Variants in LUZP1 observed in about 807,000 individuals in gnomAD.
The protein encoded by LUZP1 is leucine zipper protein 1, also known as filamin mechanobinding actin cross-linking protein.
Under a neutral mutation model 71.3 loss-of-function variants are expected in LUZP1, and 25 were observed. That is an observed-to-expected ratio of 0.35 (90% CI 0.26 to 0.49). The LOEUF (loss-of-function observed/expected upper bound fraction) is 0.49. Ranked by LOEUF, LUZP1 falls within the 20% of genes least tolerant of loss-of-function variation. The pLI is 0.99. For synonymous variants in LUZP1, 481 were observed against 506.4 expected, an observed-to-expected ratio of 0.95 and a Z score of 0.67; for missense variants, 1,142 against 1,300.8, an observed-to-expected ratio of 0.88 and a Z score of 1.88.
At chr1:23,175,042 G>A (rs1644574681) in intron 1 of LUZP1, among the ~76,000 whole-genome samples, 1 of 151,994 alleles carries the variant, frequency 6.6e-6, no homozygotes, top group Non-Finnish European at 1.5e-5. Flanking sequence ...AGGTTATAGG[G>A]GTCATTATTG....
chr1:23,174,953 A>ATTCT (rs1644574244), intron 1 of LUZP1, among the ~76,000 whole-genome samples: 2 of 151,634 alleles, frequency 1.3e-5, no homozygotes, highest in Admixed American at 1.3e-4. Flanking sequence ...TCATTCATTC[A>ATTCT]TTCATTCCAC....
At chr1:23,174,838 C>T (rs1297063595) in intron 1 of LUZP1, among the ~76,000 whole-genome samples, 1 of 152,168 alleles carries the variant, frequency 6.6e-6, no homozygotes, top group African/African-American at 2.4e-5. Context: ...AAATAGCCCT[C>T]AATTCTCCTA....
At chr1:23,085,807 T>G (rs539409672) in exon 5 of LUZP1, 1 of 152,330 alleles carries the variant, frequency 6.6e-6, no homozygotes, top group South Asian at 2.1e-4. Flanking sequence ...CAGCCACAGC[T>G]TCTTTATCCA....
At chr1:23,146,018 C>G (rs1341596097) in intron 2 of LUZP1, among the ~76,000 whole-genome samples, 1 of 151,988 alleles carries the variant, frequency 6.6e-6, no homozygotes, top group African/African-American at 2.4e-5. Context: ...ATTCTTTGTC[C>G]TCACCATCGT....
At chr1:23,096,560 G>A (rs1428848992) in intron 3 of LUZP1, among the ~76,000 whole-genome samples, 4 of 152,120 alleles carry the variant, frequency 2.6e-5, no homozygotes, top group Admixed American at 1.3e-4. Flanking sequence ...CTAAATCCTC[G>A]TAAGGATACG....
At chr1:23,166,653 C>CAAA (rs538327046) in intron 2 of LUZP1, among the ~76,000 whole-genome samples, 96 of 70,728 alleles carry the variant, frequency 1.4e-3, no homozygotes, top group Middle Eastern at 9.4e-3. Context: ...CACTCCGTCT[C>CAAA]AAAAAAAAAA....
intron 2 of LUZP1, among the ~76,000 whole-genome samples, chr1:23,111,390 A>AC (rs1644031307): frequency 7.1e-6 from 1 of 140,790 alleles, no homozygotes; most frequent in Non-Finnish European, 1.6e-5. Flanking sequence ...CCCCATCTCT[A>AC]CAAAAAAAAA....
intron 2 of LUZP1, among the ~76,000 whole-genome samples, chr1:23,159,328 G>A (rs1479425640): frequency 2.0e-5 from 3 of 151,904 alleles, no homozygotes; most frequent in Admixed American, 6.6e-5. Flanking sequence ...GCTACAGAGC[G>A]AGACTCTGTC....
intron 2 of LUZP1, chr1:23,109,792 A>G (rs1644013316): frequency 6.6e-6 from 1 of 152,186 alleles, no homozygotes; most frequent in South Asian, 2.1e-4. Context: ...TCTGAAATCT[A>G]AAACACTTCT....
intron 2 of LUZP1, among the ~76,000 whole-genome samples, chr1:23,122,585 A>T (rs1644139197): frequency 6.6e-6 from 1 of 152,226 alleles, no homozygotes; most frequent in African/African-American, 2.4e-5. Context: ...ATGCCACCTG[A>T]CACTTTTCTG....
chr1:23,160,499 C>A (rs756611032), intron 2 of LUZP1, among the ~76,000 whole-genome samples: 2 of 152,186 alleles, frequency 1.3e-5, no homozygotes, highest in African/African-American at 2.4e-5. Flanking sequence ...GGCATTAGGA[C>A]TGGACTCCTG....
chr1:23,167,132 T>G (rs1375372657), intron 2 of LUZP1, among the ~76,000 whole-genome samples: 4 of 152,174 alleles, frequency 2.6e-5, no homozygotes, highest in Non-Finnish European at 5.9e-5. Flanking sequence ...TTTAACCACA[T>G]GAATACTACC....
intron 2 of LUZP1, among the ~76,000 whole-genome samples, chr1:23,132,329 G>A (rs1644221393): frequency 6.6e-6 from 1 of 152,024 alleles, no homozygotes; most frequent in South Asian, 2.1e-4. Context: ...CCTTGACACT[G>A]CCATCCCCAG....
At chr1:23,096,363 C>T (rs950048661) in intron 3 of LUZP1, among the ~76,000 whole-genome samples, 1 of 151,942 alleles carries the variant, frequency 6.6e-6, no homozygotes, top group Non-Finnish European at 1.5e-5. Flanking sequence ...TAAAAAGGTC[C>T]AAAACAAGGA....
rs1039185271 is a variant in LUZP1, at chr1:23,129,500, G to C, written c.-225-20373C>G. On this transcript the variant is annotated intron_variant, in intron 2 of 4. Coordinates refer to ENST00000302291, the Ensembl canonical transcript of LUZP1. ...GGAGGCTGAGGCAGGAGAATTGCTT[G>C]AACCGGGGAGGCGGAGGTTGCGGTG... Among the ~76,000 whole-genome samples, 5 of 152,312 alleles carry C rather than the reference G, an allele frequency of 3.3e-5. No homozygotes were observed. The East Asian group carries it at 9.6e-4, about 29-fold the overall frequency.
intron 2 of LUZP1, among the ~76,000 whole-genome samples, chr1:23,137,649 A>G (rs1230125783): frequency 1.3e-5 from 2 of 152,218 alleles, no homozygotes; most frequent in African/African-American, 4.8e-5. Context: ...CTCAAAAAAA[A>G]AAATGAGATG....
At position 23,093,035 on chromosome 1, in the gene LUZP1, G is replaced by C; in HGVS notation, c.1227C>G (p.Leu409=). Reference sequence around the variant, plus strand: ...TGCTCAGAGAATAGTTTTCATTGTTGAGAGCAAACTCCCTGTTCCGGAGTC... The same window carrying C: ...TGCTCAGAGAATAGTTTTCATTGTTCAGAGCAAACTCCCTGTTCCGGAGTC... The change falls in exon 4 of 5, where the codon CTC becomes CTG. Residue 409 remains leucine, a synonymous_variant. Coordinates refer to ENST00000302291, the Ensembl canonical transcript of LUZP1. The surrounding 1 kb of genome is among the most constrained non-coding windows in gnomAD (Gnocchi z 4.2). 6.2e-7 allele frequency: 1 copy of C among 1,614,104 alleles called. No homozygotes were observed. The highest frequency in any genetic ancestry group is 8.5e-7 in the Non-Finnish European group (1 of 1,180,012).
intron 2 of LUZP1, among the ~76,000 whole-genome samples, chr1:23,154,671 T>C (rs1367768474): frequency 6.6e-6 from 1 of 150,888 alleles, no homozygotes; most frequent in Admixed American, 6.6e-5. Flanking sequence ...GCCTCCTGAG[T>C]AGCTGGGATT....
chr1:23,171,495 G>A (rs935248224), intron 1 of LUZP1, among the ~76,000 whole-genome samples: 3 of 152,178 alleles, frequency 2.0e-5, no homozygotes, highest in South Asian at 2.1e-4. Context: ...TTACAGAGAC[G>A]TGGATCTGTG....
Sources: allele counts gnomAD v4.1 joint callset (sites outside exome capture counted in the v4.1 genomes callset), GRCh38; gene constraint gnomAD v4.1.1; non-coding constraint Gnocchi (gnomAD v3.1); transcripts MANE v1.5; gene names NCBI Gene and HGNC (gene_info 2026-07-23, HGNC 2026-07-21).